Variants in RPS29 observed in about 807,000 individuals in gnomAD.
RPS29 encodes ribosomal protein S29.
For synonymous variants in RPS29, 37 were observed against 26.9 expected (o/e 1.37, Z -1.16); for missense variants, 60 against 75.7 (o/e 0.79, Z 0.77).
At chr14:49,594,142 T>G (rs1881773115) in intron 1 of RPS29, among the ~76,000 whole-genome samples, 1 of 152,204 alleles carries the variant, frequency 6.6e-6, no homozygotes, top group Admixed American at 6.5e-5. Flanking sequence ...CAAATTTAAT[T>G]TGGCTGCAGT....
downstream of RPS29, among the ~76,000 whole-genome samples, chr14:49,582,203 G>A (rs986267121): frequency 6.6e-6 from 1 of 152,064 alleles, no homozygotes; most frequent in South Asian, 2.1e-4. Flanking sequence ...GAGGCTGCAG[G>A]AGAATCAGTT....
downstream of RPS29, among the ~76,000 whole-genome samples, chr14:49,579,547 T>C (rs1046668109): frequency 1.7e-4 from 26 of 152,114 alleles, no homozygotes; most frequent in African/African-American, 6.3e-4. Context: ...ACAATAAATT[T>C]TGAAAAACAA....
chr14:49,585,843 C>T, intron 2 of RPS29, 107 bp downstream of exon 2: 1 of 829,616 alleles, frequency 1.2e-6, no homozygotes. Flanking sequence ...GTCGAATGCT[C>T]AGAATTACCA....
downstream of RPS29, among the ~76,000 whole-genome samples, chr14:49,581,056 G>A (rs1054885508): frequency 9.2e-5 from 14 of 151,784 alleles, no homozygotes; most frequent in Admixed American, 2.6e-4. Context: ...GCATGGTGGC[G>A]CATGCCTGTA....
chr14:49,588,993 G>C (rs1881655654), upstream of RPS29, among the ~76,000 whole-genome samples: 1 of 145,466 alleles, frequency 6.9e-6, no homozygotes, highest in African/African-American at 2.5e-5. Context: ...CCGGGTTCAC[G>C]CCATTCTCCT....
chr14:49,584,968 G>A (rs932315808), intron 2 of RPS29, among the ~76,000 whole-genome samples: 5 of 151,912 alleles, frequency 3.3e-5, no homozygotes, highest in African/African-American at 1.2e-4. Flanking sequence ...GCTTGACTAA[G>A]ATGATCAAGA....
chr14:49,583,531 A>C (rs549952334), downstream of RPS29: 2 of 910,310 alleles, frequency 2.2e-6, no homozygotes, highest in Admixed American at 6.3e-5. Context: ...AGATTTCTAT[A>C]AACAATTAGC....
chr14:49,583,483 C>T, downstream of RPS29: 8 of 557,200 alleles, frequency 1.4e-5, no homozygotes, highest in South Asian at 1.1e-4. Context: ...TCCAGCCTGG[C>T]GACAGAGGGG....
At chr14:49,583,216 T>C (rs1169864594), downstream of RPS29, among the ~76,000 whole-genome samples, 2 of 152,150 alleles carry the variant, frequency 1.3e-5, no homozygotes, top group Admixed American at 6.5e-5. Context: ...AAATAAGCCA[T>C]TGATACAAGT....
At chr14:49,586,599 G>T (rs997244808), upstream of RPS29, 9 of 522,518 alleles carry the variant, frequency 1.7e-5, no homozygotes, top group South Asian at 8.4e-5. Context: ...GGTGGCGCGT[G>T]CCTGTAGTCC....
At chr14:49,585,294 G>C (rs1408953468) in intron 2 of RPS29, 2 of 151,990 alleles carry the variant, frequency 1.3e-5, no homozygotes, top group Admixed American at 1.3e-4. Flanking sequence ...CTTGAACCGG[G>C]GAGGCGGAGG....
chr14:49,586,446 G>T, upstream of RPS29: 1 of 1,045,394 alleles, frequency 9.6e-7, no homozygotes, highest in Non-Finnish European at 1.5e-6. Context: ...GTGCTCAAAG[G>T]AAACGCGTGC....
chr14:49,583,974 T>C (rs942714369), intron 2 of RPS29, among the ~76,000 whole-genome samples: 2 of 152,182 alleles, frequency 1.3e-5, no homozygotes, highest in South Asian at 2.1e-4. Flanking sequence ...TAGGCAACTA[T>C]AATTACACAG....
At chr14:49,571,567 T>G (rs769115889) in exon 3 of RPS29, 31 of 152,194 alleles carry the variant, frequency 2.0e-4, no homozygotes, top group Non-Finnish European at 4.1e-4. Context: ...GCTGGTGCTT[T>G]GAGTCAGCCT....
intron 1 of RPS29, chr14:49,597,385 AAC>A (rs1474171769): frequency 2.6e-5 from 4 of 152,128 alleles, no homozygotes; most frequent in African/African-American, 9.7e-5. Flanking sequence ...TGAAAATTAT[AAC>A]AGTTTTTACA....
chr14:49,580,843 C>T (rs1881313092), downstream of RPS29, among the ~76,000 whole-genome samples: 1 of 151,328 alleles, frequency 6.6e-6, no homozygotes, highest in Non-Finnish European at 1.5e-5. Context: ...TGAAATCATG[C>T]CACTGCACTC....
downstream of RPS29, among the ~76,000 whole-genome samples, chr14:49,581,632 G>T (rs935513625): frequency 5.3e-5 from 8 of 152,048 alleles, no homozygotes; most frequent in Admixed American, 2.0e-4. Flanking sequence ...TCCCGCCTAG[G>T]CCTCCCCAAG....
exon 3 of RPS29, chr14:49,575,816 T>A (rs1431367150): frequency 6.6e-6 from 1 of 152,176 alleles, no homozygotes; most frequent in East Asian, 1.9e-4. Context: ...TGCCACTGAA[T>A]GCCAGTCTGG....
upstream of RPS29, chr14:49,586,403 T>C (rs923504672): frequency 1.8e-5 from 27 of 1,493,802 alleles, no homozygotes; most frequent in African/African-American, 4.1e-5. Context: ...GCATGCGCTC[T>C]TCAAATTTTT....
Sources: allele counts gnomAD v4.1 joint callset (sites outside exome capture counted in the v4.1 genomes callset), GRCh38; gene constraint gnomAD v4.1.1; transcripts MANE v1.5; gene names NCBI Gene and HGNC (gene_info 2026-07-23, HGNC 2026-07-21).